The following ERBB4 variants were observed in gnomAD, a reference collection of about 807,000 sequenced individuals.
ERBB4 encodes erb-b2 receptor tyrosine kinase 4.
Under a neutral mutation model 158.0 loss-of-function variants are expected in ERBB4, and 42 were observed. That is an observed-to-expected ratio of 0.27 (90% CI 0.21 to 0.34). ERBB4 has a LOEUF of 0.34. Among genes scored for constraint, ERBB4 ranks in the 10% least tolerant of loss-of-function variants. The pLI is 1.00. For synonymous variants in ERBB4, 583 were observed against 558.7 expected, an observed-to-expected ratio of 1.04 and a Z score of -0.61; for missense variants, 1,333 against 1,624.1, an observed-to-expected ratio of 0.82 and a Z score of 3.08.
chr2:211,718,079 T>C (rs1294433063), intron 7 of ERBB4, among the ~76,000 whole-genome samples: 1 of 152,092 alleles, frequency 6.6e-6, no homozygotes, highest in Non-Finnish European at 1.5e-5. Context: ...GACCGGATAA[T>C]TTTTGTATTT....
chr2:211,779,988 C>T (rs751819072), intron 4 of ERBB4, among the ~76,000 whole-genome samples: 6 of 152,150 alleles, frequency 3.9e-5, no homozygotes, highest in Non-Finnish European at 7.3e-5. Context: ...TCCATGACCA[C>T]GCCCTTATAA....
At chr2:211,683,015 A>G (rs2072417337) in intron 12 of ERBB4, among the ~76,000 whole-genome samples, 1 of 149,554 alleles carries the variant, frequency 6.7e-6, no homozygotes, top group Non-Finnish European at 1.5e-5. Context: ...TTTTATTTCT[A>G]TTTATGTTTT....
chr2:211,572,111 TTC>T (rs1449367503), intron 19 of ERBB4, among the ~76,000 whole-genome samples: 1 of 152,220 alleles, frequency 6.6e-6, no homozygotes, highest in African/African-American at 2.4e-5. Context: ...TGTCTTTTCA[TTC>T]TGACTCCTAC....
chr2:212,423,061 GA>G (rs1413924909), intron 1 of ERBB4, among the ~76,000 whole-genome samples: 1 of 151,852 alleles, frequency 6.6e-6, no homozygotes, highest in Non-Finnish European at 1.5e-5. Context: ...TGAGTAAGAG[GA>G]TAAACGATGA....
intron 4 of ERBB4, among the ~76,000 whole-genome samples, chr2:211,785,144 C>T (rs2076130568): frequency 6.6e-6 from 1 of 151,112 alleles, no homozygotes; most frequent in African/African-American, 2.4e-5. Context: ...ACTCTGTCCC[C>T]AGGCTGGAGT....
chr2:211,616,309 A>G (rs567078911), intron 19 of ERBB4, among the ~76,000 whole-genome samples: 1 of 152,164 alleles, frequency 6.6e-6, no homozygotes, highest in African/African-American at 2.4e-5. Flanking sequence ...TAGCTTTATT[A>G]GTTCTCCTGT....
At chr2:211,528,214 T>C (rs992714591) in intron 20 of ERBB4, among the ~76,000 whole-genome samples, 7 of 151,994 alleles carry the variant, frequency 4.6e-5, no homozygotes, top group Non-Finnish European at 1.0e-4. Flanking sequence ...GCTATATTTA[T>C]ATCAGACAAA....
rs765237955 is a variant in ERBB4, at chr2:211,712,187, A to C, written c.998-11T>G. On this transcript the variant is annotated splice_polypyrimidine_tract_variant and intron_variant, in intron 8 of 27. Coordinates refer to ENST00000342788, the MANE Select transcript of ERBB4 (RefSeq NM_005235.3). ...CAATGCCATCACAAGCTGTAGAAAC[A>C]AGACTCAGAGTTAGGGGATTGAGAA... 3 of 1,613,238 alleles carry C rather than the reference A, an allele frequency of 1.9e-6. No individual in the cohort carries two copies. Among genetic ancestry groups the C allele is most frequent in the African/African-American group, 2.7e-5 (2 of 74,898 alleles).
chr2:212,128,722 A>G (rs1215816588), intron 1 of ERBB4, among the ~76,000 whole-genome samples: 1 of 152,214 alleles, frequency 6.6e-6, no homozygotes, highest in Non-Finnish European at 1.5e-5. Context: ...TGCTAAATAT[A>G]TAATGAAATT....
At chr2:212,261,461 AG>A (rs2084941841) in intron 1 of ERBB4, among the ~76,000 whole-genome samples, 1 of 152,178 alleles carries the variant, frequency 6.6e-6, no homozygotes, top group Non-Finnish European at 1.5e-5. Flanking sequence ...CAAAAATATG[AG>A]GATTTAGGGA....
chr2:211,919,525 G>C (rs1354696211), intron 3 of ERBB4, among the ~76,000 whole-genome samples: 1 of 151,926 alleles, frequency 6.6e-6, no homozygotes, highest in African/African-American at 2.4e-5. Flanking sequence ...AATAACCCTA[G>C]TAAATGTGCA....
intron 2 of ERBB4, among the ~76,000 whole-genome samples, chr2:212,110,432 G>C (rs1261064065): frequency 1.3e-5 from 2 of 152,074 alleles, no homozygotes; most frequent in African/African-American, 4.8e-5. Context: ...GCTTCCTTAG[G>C]AAGGATGTCA....
intron 19 of ERBB4, among the ~76,000 whole-genome samples, chr2:211,614,348 T>C (rs1218331926): frequency 2.0e-5 from 3 of 152,058 alleles, no homozygotes; most frequent in East Asian, 3.9e-4. Context: ...GGCCTACTAT[T>C]TGATAGCACA....
chr2:211,907,768 C>T lies in ERBB4; in HGVS notation c.421+39662G>A, dbSNP rs1383932394. Among the ~76,000 whole-genome samples the T allele has an allele frequency of 2.0e-5, 3 of 151,518 alleles. 1 individual carries two copies. The highest frequency in any genetic ancestry group is 3.9e-4 in the East Asian group (2 of 5,092). On this transcript the variant is annotated intron_variant, in intron 3 of 27. Coordinates refer to ENST00000342788, the MANE Select transcript of ERBB4 (RefSeq NM_005235.3). The stretch of plus-strand genomic sequence containing the variant: ...GGTAGTAAGTTTTGTCTTTCTAGAA[C>T]CCACAAAACCCCACAACTCTCCATA...
chr2:212,114,411 T>C (rs559116158), intron 2 of ERBB4, among the ~76,000 whole-genome samples: 5 of 152,288 alleles, frequency 3.3e-5, no homozygotes, highest in South Asian at 2.1e-4. Context: ...TTGGTTATAA[T>C]TGAAAGATGG....
chr2:211,592,829 G>A (rs1049934559), intron 19 of ERBB4, among the ~76,000 whole-genome samples: 8 of 152,118 alleles, frequency 5.3e-5, no homozygotes, highest in African/African-American at 1.7e-4. Context: ...GACCAACATA[G>A]TCAAACCCTG....
At chr2:211,713,460 G>T (rs1249120788) in intron 8 of ERBB4, 75 bp downstream of exon 8, 3 of 848,234 alleles carry the variant, frequency 3.5e-6, no homozygotes, top group East Asian at 5.0e-5. Flanking sequence ...TTAAAAAGTT[G>T]GTCTACTTAA....
At chr2:212,474,822 C>CCTTTTTTTTTTTTTTTTTTTTTTT (rs1689295723) in intron 1 of ERBB4, among the ~76,000 whole-genome samples, 3 of 94,412 alleles carry the variant, frequency 3.2e-5, no homozygotes, top group African/African-American at 1.8e-4. Context: ...CCCGGCCATT[C>CCTTTTTTTTTTTTTTTTTTTTTTT]TTTTTTTTTT....
At chr2:211,457,217 A>G (rs2064404685) in intron 20 of ERBB4, among the ~76,000 whole-genome samples, 1 of 152,146 alleles carries the variant, frequency 6.6e-6, no homozygotes, top group Non-Finnish European at 1.5e-5. Context: ...CACGGCCAAT[A>G]CATTATGGTT....
Sources: gnomAD v4.1 joint callset for allele counts (sites outside exome capture counted in the v4.1 genomes callset) on GRCh38, gnomAD v4.1.1 for gene constraint, MANE v1.5 for transcripts, NCBI Gene and HGNC (gene_info 2026-07-23, HGNC 2026-07-21) for gene names.